The following BARD1 variants were observed in gnomAD, a reference collection of about 807,000 sequenced individuals.
BARD1 encodes BRCA1 associated RING domain 1.
BARD1 carries 73 observed loss-of-function variants against 77.0 expected under a neutral mutation model. The ratio of observed to expected loss-of-function variants is 0.95; its 90% CI spans 0.79 to 1.15. The LOEUF is 1.15. Among genes scored for constraint, BARD1 ranks in the 50% most tolerant of loss-of-function variants. The probability of loss-of-function intolerance (pLI) is 0.00; values close to 1 mark genes in which losing one functional copy is unlikely to be tolerated. For synonymous variants in BARD1, 384 were observed against 338.0 expected, an observed-to-expected ratio of 1.14 and a Z score of -1.49; for missense variants, 993 against 938.8, an observed-to-expected ratio of 1.06 and a Z score of -0.75.
At chr2:214,772,422 T>A (rs796328932) in intron 4 of BARD1, among the ~76,000 whole-genome samples, 6 of 152,226 alleles carry the variant, frequency 3.9e-5, no homozygotes, top group African/African-American at 1.4e-4. Flanking sequence ...TCTCAAAGAT[T>A]TCCCCATTCT....
chr2:214,728,046 CA>C lies in BARD1; in HGVS notation c.*629del. On this transcript the variant is annotated 3_prime_UTR_variant, in exon 11 of 11. Coordinates refer to ENST00000260947, the MANE Select transcript of BARD1 (RefSeq NM_000465.4). ...CTAGTGTTGATTTTTACCACACACA[CA>C]AAAAAACCAATGTTAATGATTAAAT... is the stretch of plus-strand genomic sequence containing the variant. 8.9e-6 allele frequency: 2 copies of C among 223,990 alleles called. No homozygotes were observed. Among genetic ancestry groups the C allele is most frequent in the African/African-American group, 2.2e-5 (1 of 44,794 alleles). The allele number at this position is 223,990 out of a possible 1,614,324, so 13.9% of individuals were successfully genotyped here.
intron 4 of BARD1, among the ~76,000 whole-genome samples, chr2:214,778,186 A>G (rs1361843588): frequency 6.6e-6 from 1 of 150,910 alleles, no homozygotes; most frequent in East Asian, 2.0e-4. Context: ...ACAGGGCAAG[A>G]CTCTGTCCCC....
At chr2:214,765,961 C>T (rs1694176624) in intron 6 of BARD1, among the ~76,000 whole-genome samples, 1 of 152,052 alleles carries the variant, frequency 6.6e-6, no homozygotes, top group African/African-American at 2.4e-5. Context: ...ACCTAGAAGC[C>T]CTGCATTTTA....
At chr2:214,754,723 C>A (rs565214989) in intron 6 of BARD1, among the ~76,000 whole-genome samples, 87 of 152,228 alleles carry the variant, frequency 5.7e-4, no homozygotes, top group Middle Eastern at 6.8e-3. Flanking sequence ...CATGTGGTTT[C>A]TCTGCTTGGA....
At chr2:214,768,515 C>T (rs1469925568) in intron 5 of BARD1, among the ~76,000 whole-genome samples, 2 of 152,170 alleles carry the variant, frequency 1.3e-5, no homozygotes, top group African/African-American at 4.8e-5. Flanking sequence ...CTGATCTAGA[C>T]TAAACTCTCC....
At chr2:214,769,710 C>T (rs1694387766) in intron 4 of BARD1, among the ~76,000 whole-genome samples, 1 of 152,156 alleles carries the variant, frequency 6.6e-6, no homozygotes. Context: ...CACTGCACTC[C>T]AGCCTGGGCC....
chr2:214,762,543 C>T (rs2106064119), intron 6 of BARD1, among the ~76,000 whole-genome samples: 1 of 152,298 alleles, frequency 6.6e-6, no homozygotes, highest in Admixed American at 6.5e-5. Flanking sequence ...ATGAGTCTAA[C>T]TTTGATATCA....
At chr2:214,745,287 C>T in intron 8 of BARD1, 128 bp from the exon 9 acceptor site, 1 of 789,894 alleles carries the variant, frequency 1.3e-6, no homozygotes, top group Non-Finnish European at 2.1e-6. Context: ...AATTTTTACA[C>T]TTAAGTGTAA....
At chr2:214,769,898 G>C (rs1694397663) in intron 4 of BARD1, among the ~76,000 whole-genome samples, 1 of 152,090 alleles carries the variant, frequency 6.6e-6, no homozygotes, top group Admixed American at 6.6e-5. Context: ...AAGATCATGT[G>C]CTCACAATGA....
chr2:214,743,585 G>C (rs971337959), intron 9 of BARD1, among the ~76,000 whole-genome samples: 1 of 121,182 alleles, frequency 8.3e-6, no homozygotes. Flanking sequence ...GATTTCACTA[G>C]TTATTTATTT....
intron 6 of BARD1, among the ~76,000 whole-genome samples, chr2:214,760,462 G>C (rs929467154): frequency 6.6e-6 from 1 of 152,100 alleles, no homozygotes; most frequent in African/African-American, 2.4e-5. Flanking sequence ...CAAAGTGTTG[G>C]GATTACAGGC....
intron 4 of BARD1, among the ~76,000 whole-genome samples, chr2:214,769,950 T>C (rs1305765539): frequency 6.6e-6 from 1 of 152,208 alleles, no homozygotes; most frequent in Admixed American, 6.5e-5. Flanking sequence ...AAAACAATTT[T>C]TGAGCATTTG....
At chr2:214,761,748 C>T (rs1240499868) in intron 6 of BARD1, among the ~76,000 whole-genome samples, 3 of 152,080 alleles carry the variant, frequency 2.0e-5, no homozygotes, top group African/African-American at 7.2e-5. Context: ...TTCCACAGGG[C>T]AATAAAGAAC....
chr2:214,766,102 T>A (rs1341488311), intron 6 of BARD1, among the ~76,000 whole-genome samples: 5 of 152,146 alleles, frequency 3.3e-5, no homozygotes, highest in Non-Finnish European at 7.4e-5. Flanking sequence ...CTGAAAAGAA[T>A]AAAATACTAC....
At chr2:214,745,415 G>C (rs1053843540) in intron 8 of BARD1, among the ~76,000 whole-genome samples, 22 of 152,130 alleles carry the variant, frequency 1.4e-4, no homozygotes, top group African/African-American at 5.3e-4. Context: ...TCAAATTACA[G>C]CTAAGGGATT....
Position 214,728,537 on chromosome 2 carries a change from C to CATTT in BARD1, c.*138_*139insAAAT, listed in dbSNP as rs33960630. ...CATGAATTCCTAATCTGGCATTAGACTTTTTTTTTTTTTTTGATTCAAAGA... is the reference window on the plus strand; with the variant it reads ...CATGAATTCCTAATCTGGCATTAGACATTTTTTTTTTTTTTTTTTGATTCAAAGA... On this transcript the variant is annotated 3_prime_UTR_variant, in exon 11 of 11. Transcript: ENST00000260947. 4.4e-5 allele frequency: 26 copies of CATTT among 588,314 alleles called. No homozygotes were observed. The highest frequency in any genetic ancestry group is 5.8e-5 in the Non-Finnish European group (21 of 359,288). The allele number at this position is 588,314 out of a possible 1,614,324, so 36.4% of individuals were successfully genotyped here. A position where few individuals can be genotyped will look rare whatever the true frequency, so the allele number is the denominator to read the frequency against.
intron 6 of BARD1, among the ~76,000 whole-genome samples, chr2:214,758,855 A>G (rs939171177): frequency 4.6e-5 from 7 of 152,208 alleles, no homozygotes; most frequent in Non-Finnish European, 1.5e-5. Flanking sequence ...ACCACTAATA[A>G]AAGAGAGAAA....
intron 7 of BARD1, among the ~76,000 whole-genome samples, chr2:214,752,120 T>C (rs370248555): frequency 7.0e-6 from 1 of 143,300 alleles, no homozygotes; most frequent in Admixed American, 7.0e-5. Context: ...TCTGAAATTA[T>C]TTTATTTATA....
chr2:214,797,963 A>G lies in BARD1; in HGVS notation c.159-846T>C, dbSNP rs139324725. ...GATACTAATAAATACACACCAAGAC[A>G]TTATACTCAATGGATGTAATGTACC... On this transcript the variant is annotated intron_variant, in intron 1 of 10. Coordinates refer to ENST00000260947, the MANE Select transcript of BARD1 (RefSeq NM_000465.4). Among the ~76,000 whole-genome samples, 210 of 152,206 alleles carry G rather than the reference A, an allele frequency of 1.4e-3. 2 individuals are homozygous for G. The highest frequency in any genetic ancestry group is 8.7e-3 in the South Asian group (42 of 4,816).
Sources: allele counts gnomAD v4.1 joint callset (sites outside exome capture counted in the v4.1 genomes callset), GRCh38; gene constraint gnomAD v4.1.1; transcripts MANE v1.5; gene names NCBI Gene and HGNC (gene_info 2026-07-23, HGNC 2026-07-21).